PTPRE: variants seen among roughly 807,000 people sequenced by gnomAD.
The protein encoded by PTPRE is receptor-type tyrosine-protein phosphatase epsilon.
PTPRE carries 51 observed loss-of-function variants against 102.0 expected under a neutral mutation model. The observed-to-expected ratio is 0.50, with a 90% CI of 0.40 to 0.63. PTPRE has a LOEUF of 0.63. PTPRE is among the 30% of genes least tolerant of loss of function. The pLI is 0.00. For synonymous variants in PTPRE, 345 were observed against 348.2 expected (o/e 0.99, Z 0.10); for missense variants, 752 against 915.1 (o/e 0.82, Z 2.30).
chr10:127,919,564 G>A (rs1225642781), intron 1 of PTPRE, among the ~76,000 whole-genome samples: 1 of 152,214 alleles, frequency 6.6e-6, no homozygotes, highest in Non-Finnish European at 1.5e-5. Context: ...CTGGGCCTCA[G>A]GAAATGGAGG....
At chr10:128,045,217 C>T (rs1052852073) in intron 3 of PTPRE, among the ~76,000 whole-genome samples, 20 of 152,272 alleles carry the variant, frequency 1.3e-4, no homozygotes, top group African/African-American at 3.4e-4. Flanking sequence ...CCCGTGTGCA[C>T]GGCCCCTTTC....
chr10:128,040,300 C>G (rs61157548), intron 2 of PTPRE, among the ~76,000 whole-genome samples: 2,074 of 152,198 alleles, frequency 0.014, 76 homozygotes, highest in East Asian at 0.14. Context: ...GCTGGAGCAG[C>G]GAAGAACAGA....
intron 1 of PTPRE, among the ~76,000 whole-genome samples, chr10:127,925,467 T>C (rs758523444): frequency 1.3e-5 from 2 of 152,096 alleles, no homozygotes; most frequent in Admixed American, 6.5e-5. Context: ...CTGGTTAACT[T>C]AGTGAGAAAG....
In PTPRE at chr10:127,965,926, C is replaced by T. The variant is rs371022139; in HGVS notation, c.-30-16348C>T. Among the ~76,000 whole-genome samples the T allele has an allele frequency of 1.9e-3, 282 of 152,370 alleles. 3 individuals carry two copies. The highest frequency in any genetic ancestry group is 6.6e-3 in the African/African-American group (274 of 41,580). ...CTGCCACACTGGCCCTTTGCCTGAC[C>T]TCCTCCTGGCCTTCAGTCTGAGGTC... is the stretch of plus-strand genomic sequence containing the variant. On this transcript the variant is annotated intron_variant, in intron 1 of 20. Coordinates refer to ENST00000254667, the MANE Select transcript of PTPRE (RefSeq NM_006504.6).
At chr10:128,067,089 CACAT>C (rs1245064624) in intron 11 of PTPRE, among the ~76,000 whole-genome samples, 1 of 151,952 alleles carries the variant, frequency 6.6e-6, no homozygotes, top group Non-Finnish European at 1.5e-5. Flanking sequence ...CACAGGCACA[CACAT>C]GCACACACAC....
In PTPRE at chr10:128,084,363, T is replaced by C. The variant is rs1157841807; in HGVS notation, c.*1457T>C. On this transcript the variant is annotated 3_prime_UTR_variant, in exon 21 of 21. Transcript: ENST00000254667. ...CTTATTTGACATTTTCACTGATAACTGATCGCACCCTCATGTTGCAGTGTT... is the reference window on the plus strand; with the variant it reads ...CTTATTTGACATTTTCACTGATAACCGATCGCACCCTCATGTTGCAGTGTT... 1.3e-5 allele frequency: 2 copies of C among 152,244 alleles called. No homozygotes were observed. Among genetic ancestry groups the C allele is most frequent in the Non-Finnish European group, 2.9e-5 (2 of 68,034 alleles). 9.4% of individuals were successfully genotyped at this position (152,244 alleles called of 1,614,324 possible).
At position 128,047,377 on chromosome 10, in the gene PTPRE, G is replaced by T; in HGVS notation, c.110-13G>T. 1 of 1,611,848 alleles carries T rather than the reference G, an allele frequency of 6.2e-7. No individual in the cohort carries two copies. ...TGAGGTCAGGGGTTAGGGTCTTTCTGCTTCTCCTGCAGGCCCTCCGGACCC... is the reference window on the plus strand; with the variant it reads ...TGAGGTCAGGGGTTAGGGTCTTTCTTCTTCTCCTGCAGGCCCTCCGGACCC... On this transcript the variant is annotated splice_polypyrimidine_tract_variant and intron_variant, in intron 3 of 20. Coordinates refer to ENST00000254667, the MANE Select transcript of PTPRE (RefSeq NM_006504.6).
Position 128,028,740 on chromosome 10 carries a change from T to C in PTPRE, c.-7-12135T>C, listed in dbSNP as rs1417773688. On this transcript the variant is annotated intron_variant, in intron 2 of 20. Transcript: ENST00000254667. The surrounding 1 kb of genome is among the most constrained non-coding windows in gnomAD (Gnocchi z 4.5). ...GAAGCCAAGGCCAGGAGTCGGGATCTGCTCCCAGGAAGAAGCCTCCATCCC... is the reference window on the plus strand; with the variant it reads ...GAAGCCAAGGCCAGGAGTCGGGATCCGCTCCCAGGAAGAAGCCTCCATCCC... Among the ~76,000 whole-genome samples, 1 of 152,146 alleles carries C rather than the reference T, an allele frequency of 6.6e-6. No individual in the cohort carries two copies. Among genetic ancestry groups the C allele is most frequent in the Non-Finnish European group, 1.5e-5 (1 of 68,040 alleles).
At chr10:128,061,167 C>A in intron 8 of PTPRE, 152 bp downstream of exon 8, 1 of 646,936 alleles carries the variant, frequency 1.5e-6, no homozygotes, top group Non-Finnish European at 2.7e-6. Flanking sequence ...GTGCTTTACA[C>A]ACTGGCATCA....
intron 2 of PTPRE, among the ~76,000 whole-genome samples, chr10:128,023,516 A>G (rs139320678): frequency 8.5e-5 from 13 of 152,306 alleles, no homozygotes; most frequent in Middle Eastern, 6.8e-3. Context: ...TATTGTTAGA[A>G]TTGTTCTATT....
At chr10:127,983,042 G>A (rs75308944) in intron 2 of PTPRE, among the ~76,000 whole-genome samples, 1,711 of 152,296 alleles carry the variant, frequency 0.011, 13 homozygotes, top group Middle Eastern at 0.037. Context: ...CGGTCACCAG[G>A]AAGCTGTATT....
chr10:128,035,747 C>T (rs914642306), intron 2 of PTPRE, among the ~76,000 whole-genome samples: 4 of 152,202 alleles, frequency 2.6e-5, no homozygotes, highest in African/African-American at 4.8e-5. Context: ...AGGGCACTTT[C>T]GGGTTTGGTA....
At chr10:128,071,114 G>C in intron 15 of PTPRE, 1 of 569,794 alleles carries the variant, frequency 1.8e-6, no homozygotes, top group Non-Finnish European at 3.1e-6. Flanking sequence ...AGTCCTGCAT[G>C]GGTCTCAGGC....
intron 1 of PTPRE, among the ~76,000 whole-genome samples, chr10:127,977,861 G>T (rs1256434901): frequency 1.3e-5 from 2 of 152,128 alleles, no homozygotes; most frequent in Non-Finnish European, 2.9e-5. Context: ...TTTTCCCAGG[G>T]CCTTGTCGGG....
intron 10 of PTPRE, 143 bp downstream of exon 10, chr10:128,063,323 C>T: frequency 7.1e-7 from 1 of 1,416,638 alleles, no homozygotes; most frequent in East Asian, 2.5e-5. Flanking sequence ...CATGCAGTGG[C>T]TTACAGCATT....
chr10:128,046,269 C>T (rs868268056), intron 3 of PTPRE, among the ~76,000 whole-genome samples: 6 of 152,258 alleles, frequency 3.9e-5, no homozygotes, highest in Middle Eastern at 3.4e-3. Context: ...GTGAGGTGAG[C>T]GGAGCCTCTG....
chr10:128,004,570 C>T (rs1354142325), intron 2 of PTPRE, among the ~76,000 whole-genome samples: 1 of 152,192 alleles, frequency 6.6e-6, no homozygotes, highest in Non-Finnish European at 1.5e-5. Context: ...TGTTCGGTAG[C>T]ATGTATCAAT....
intron 1 of PTPRE, among the ~76,000 whole-genome samples, chr10:127,919,910 T>C (rs1030788185): frequency 4.6e-5 from 7 of 152,134 alleles, no homozygotes; most frequent in Admixed American, 2.0e-4. Flanking sequence ...TTATTTTACT[T>C]AGCAGTGGAT....
intron 2 of PTPRE, among the ~76,000 whole-genome samples, chr10:128,021,417 T>G (rs368482381): frequency 5.3e-5 from 8 of 152,312 alleles, no homozygotes; most frequent in African/African-American, 1.9e-4. Flanking sequence ...TTCAGGGATA[T>G]TCGCTGAAAT....
Sources: gnomAD v4.1 joint callset for allele counts (sites outside exome capture counted in the v4.1 genomes callset) on GRCh38, gnomAD v4.1.1 for gene constraint, Gnocchi (gnomAD v3.1) non-coding constraint, MANE v1.5 for transcripts, NCBI Gene and HGNC (gene_info 2026-07-23, HGNC 2026-07-21) for gene names.